The following EXPH5 variants were observed in gnomAD, a reference collection of about 807,000 sequenced individuals.
The protein encoded by EXPH5 is exophilin-5.
Under a neutral mutation model 41.1 loss-of-function variants are expected in EXPH5, and 42 were observed. The observed-to-expected ratio is 1.02, with a 90% confidence interval of 0.80 to 1.32. EXPH5 has a LOEUF of 1.32. EXPH5 is among the 40% of genes most tolerant of loss of function. The pLI, the probability that EXPH5 is intolerant of heterozygous loss-of-function variation, is 0.00. For missense variants in EXPH5, 2,298 were observed against 2,314.5 expected, an observed-to-expected ratio of 0.99 and a Z score of 0.15; for synonymous variants, 798 against 833.5, an observed-to-expected ratio of 0.96 and a Z score of 0.73.
rs1379735031 is a variant in EXPH5 at position 108,511,304 on chromosome 11, C to T, written c.4203G>A (p.Gln1401=). 1 of 1,599,260 alleles carries T rather than the reference C, an allele frequency of 6.3e-7. No individual in the cohort carries two copies. The highest frequency in any genetic ancestry group is 1.1e-5 in the South Asian group (1 of 87,466). ...SETLHTSLML[Q]RKNVSEEKSE... is the part of the protein sequence containing the mutation. ...ATTTTTCTTCGGATACATTTTTTCT[C>T]TGAAGCATCAATGAAGTATGCAGGG... The change falls in exon 6 of 6, where the codon CAG becomes CAA. Residue 1401 remains glutamine, a synonymous_variant. Transcript: ENST00000265843.
intron 1 of EXPH5, among the ~76,000 whole-genome samples, chr11:108,573,222 G>A (rs1403585443): frequency 1.3e-5 from 2 of 150,450 alleles, no homozygotes; most frequent in Non-Finnish European, 3.0e-5. Flanking sequence ...AAGAAAGAAA[G>A]GGAAAGCAAA....
intron 1 of EXPH5, among the ~76,000 whole-genome samples, chr11:108,549,093 G>A (rs1404508734): frequency 6.6e-6 from 1 of 152,214 alleles, no homozygotes; most frequent in African/African-American, 2.4e-5. Context: ...AGAACCTCAG[G>A]GTTGAGAATG....
chr11:108,574,284 C>T (rs184299665), intron 1 of EXPH5, among the ~76,000 whole-genome samples: 67 of 151,362 alleles, frequency 4.4e-4, no homozygotes, highest in African/African-American at 1.1e-3. Flanking sequence ...GAGGCTAAGG[C>T]GGGAGATCAC....
chr11:108,513,847 C>G lies in EXPH5; in HGVS notation c.1660G>C (p.Asp554His). The G allele has an allele frequency of 1.3e-6, 2 of 1,557,166 alleles. No individual in the cohort carries two copies. The highest frequency in any genetic ancestry group is 1.7e-6 in the Non-Finnish European group (2 of 1,150,530). The change falls in exon 6 of 6, where the codon GAT becomes CAT. Residue 554 changes from aspartate to histidine, a missense_variant. Transcript: ENST00000265843. ...CTATCCAGTGTGGATCTCTGAAAAT[C>G]AAACTGCCAAGGATGTGGCTCTTCT... ...GQEEPHPWQFDFQRSTLDSMV... is the reference protein window; with the variant it reads ...GQEEPHPWQFHFQRSTLDSMV...
Position 108,538,181 on chromosome 11 carries a change from G to A in EXPH5, c.443+843C>T, listed in dbSNP as rs376218399. 39 of 985,484 alleles carry A rather than the reference G, an allele frequency of 4.0e-5. No homozygotes were observed. The East Asian group carries it at 1.6e-3, about 40-fold the overall frequency. The allele number at this position is 985,484 out of a possible 1,614,324, so 61.0% of individuals were successfully genotyped here. ...TGCTTGCTGCCTCTTGTTTCTCAGC[G>A]ACAGTGACCTCCAACACCTTTTATT... On this transcript the variant is annotated intron_variant, in intron 3 of 5. Coordinates refer to ENST00000265843, the MANE Select transcript of EXPH5 (RefSeq NM_015065.3).
upstream of EXPH5, among the ~76,000 whole-genome samples, chr11:108,593,893 C>T (rs909640270): frequency 6.6e-6 from 1 of 151,318 alleles, no homozygotes; most frequent in African/African-American, 2.4e-5. Flanking sequence ...CTCCGGTCAC[C>T]CTCCCCGCCC....
At chr11:108,562,680 G>A (rs2094018181) in intron 1 of EXPH5, among the ~76,000 whole-genome samples, 1 of 150,686 alleles carries the variant, frequency 6.6e-6, no homozygotes, top group African/African-American at 2.4e-5. Flanking sequence ...AAACTTGAAG[G>A]GGCCGGGCAT....
chr11:108,515,769 G>A (rs1318027183), intron 5 of EXPH5, among the ~76,000 whole-genome samples: 1 of 152,058 alleles, frequency 6.6e-6, no homozygotes, highest in Non-Finnish European at 1.5e-5. Context: ...TGCAACCTCT[G>A]TGCCATAAAA....
At chr11:108,590,217 C>T (rs2094124193) in intron 1 of EXPH5, among the ~76,000 whole-genome samples, 1 of 152,132 alleles carries the variant, frequency 6.6e-6, no homozygotes, top group Non-Finnish European at 1.5e-5. Context: ...CCCTCACCAA[C>T]ATTTTTTTTT....
At chr11:108,518,827 C>T (rs891560401) in intron 4 of EXPH5, among the ~76,000 whole-genome samples, 4 of 152,120 alleles carry the variant, frequency 2.6e-5, no homozygotes, top group African/African-American at 9.7e-5. Flanking sequence ...GTTGCACTAA[C>T]GAAGCCGGCT....
intron 1 of EXPH5, among the ~76,000 whole-genome samples, chr11:108,583,687 A>T (rs964623979): frequency 6.6e-6 from 1 of 151,960 alleles, no homozygotes. Context: ...AAATAAAAAT[A>T]AAAAAGTCAT....
intron 4 of EXPH5, among the ~76,000 whole-genome samples, chr11:108,527,222 A>G (rs2093805761): frequency 6.6e-6 from 1 of 152,060 alleles, no homozygotes; most frequent in Admixed American, 6.5e-5. Context: ...TGGGAGGTTA[A>G]AGCAGGGGAA....
chr11:108,595,695 A>G (rs1565841290), upstream of EXPH5, among the ~76,000 whole-genome samples: 1 of 152,318 alleles, frequency 6.6e-6, no homozygotes, highest in East Asian at 1.9e-4. Context: ...AACATTGCAC[A>G]AGGGAGGTGA....
upstream of EXPH5, among the ~76,000 whole-genome samples, chr11:108,594,221 T>C (rs2094135338): frequency 6.6e-6 from 1 of 152,148 alleles, no homozygotes; most frequent in African/African-American, 2.4e-5. Context: ...TAGTGTATCC[T>C]TGGAAACGAA....
intron 1 of EXPH5, among the ~76,000 whole-genome samples, chr11:108,568,583 A>G (rs1344693755): frequency 5.9e-5 from 9 of 152,158 alleles, no homozygotes; most frequent in Non-Finnish European, 1.3e-4. Context: ...ACAACAAGAG[A>G]TCTGCCTTTA....
chr11:108,533,953 C>A (rs1413835871), intron 3 of EXPH5, among the ~76,000 whole-genome samples: 1 of 152,080 alleles, frequency 6.6e-6, no homozygotes, highest in Non-Finnish European at 1.5e-5. Context: ...TACCACCATG[C>A]CTGGCTAATT....
chr11:108,537,992 C>T, intron 3 of EXPH5: 18 of 985,394 alleles, frequency 1.8e-5, no homozygotes, highest in Non-Finnish European at 2.2e-5. Context: ...TTGCTAGTGA[C>T]TCTGGTAGCT....
Position 108,593,615 on chromosome 11 carries a change from C to T in EXPH5, c.-79G>A, listed in dbSNP as rs2094133970. 1 of 1,609,436 alleles carries T rather than the reference C, an allele frequency of 6.2e-7. No homozygotes were observed. The highest frequency in any genetic ancestry group is 8.5e-7 in the Non-Finnish European group (1 of 1,177,710). On this transcript the variant is annotated 5_prime_UTR_variant, in exon 1 of 6. Coordinates refer to ENST00000265843, the MANE Select transcript of EXPH5 (RefSeq NM_015065.3). ...AGGCATTTTTCAACCTGTACAAGACCAGTTTCACGAACTTGATCCCACAGC... is the reference window on the plus strand; with the variant it reads ...AGGCATTTTTCAACCTGTACAAGACTAGTTTCACGAACTTGATCCCACAGC...
intron 1 of EXPH5, among the ~76,000 whole-genome samples, chr11:108,586,095 C>T (rs966507213): frequency 6.6e-5 from 10 of 152,098 alleles, no homozygotes; most frequent in African/African-American, 9.7e-5. Flanking sequence ...CGTGCCACCA[C>T]GCCTGGCTAA....
Sources: allele counts gnomAD v4.1 joint callset (sites outside exome capture counted in the v4.1 genomes callset), GRCh38; gene constraint gnomAD v4.1.1; transcripts MANE v1.5; gene names NCBI Gene and HGNC (gene_info 2026-07-23, HGNC 2026-07-21).